CNTN4: variants seen among roughly 807,000 people sequenced by gnomAD.
CNTN4 encodes contactin 4.
Under a neutral mutation model 122.5 loss-of-function variants are expected in CNTN4, and 77 were observed. The ratio of observed to expected loss-of-function variants is 0.63; its 90% CI spans 0.52 to 0.76. The LOEUF (loss-of-function observed/expected upper bound fraction) is 0.76. Ranked by LOEUF, CNTN4 falls within the 30% of genes least tolerant of loss-of-function variation. CNTN4 has a pLI of 0.00. For missense variants in CNTN4, 1,256 were observed against 1,259.1 expected (o/e 1.00, Z 0.04); for synonymous variants, 512 against 447.0 (o/e 1.15, Z -1.83).
intron 3 of CNTN4, among the ~76,000 whole-genome samples, chr3:2,431,466 G>C (rs963384431): frequency 1.3e-5 from 2 of 152,130 alleles, no homozygotes; most frequent in Non-Finnish European, 2.9e-5. Context: ...AGGTGCTTTT[G>C]ATACAAACAT....
At chr3:2,584,697 C>CAAAAAAAAAAAAAAAAAAAA (rs67755648) in intron 4 of CNTN4, among the ~76,000 whole-genome samples, 1 of 73,160 alleles carries the variant, frequency 1.4e-5, no homozygotes, top group African/African-American at 5.8e-5. Context: ...AACTCCGTCT[C>CAAAAAAAAAAAAAAAAAAAA]AAAAAAAAAA....
intron 3 of CNTN4, among the ~76,000 whole-genome samples, chr3:2,532,068 G>A (rs1423089290): frequency 6.6e-6 from 1 of 152,122 alleles, no homozygotes; most frequent in Non-Finnish European, 1.5e-5. Context: ...ACTCACACTG[G>A]ACTTTTCATG....
intron 2 of CNTN4, among the ~76,000 whole-genome samples, chr3:2,299,040 C>G (rs1207593670): frequency 6.6e-6 from 1 of 151,834 alleles, no homozygotes; most frequent in Admixed American, 6.6e-5. Context: ...AGCTTCTGAC[C>G]TCAGTATTGT....
Position 2,869,317 on chromosome 3 carries a change from T to C in CNTN4, c.652+2368T>C, listed in dbSNP as rs554680086. On this transcript the variant is annotated intron_variant, in intron 8 of 24. Transcript: ENST00000418658. ...TGCAATTAATTCAGTTGGGAAATGA[T>C]GGGGGGTGAAACTAGGGGGTAACAG... Among the ~76,000 whole-genome samples, 10 of 151,792 alleles carry C rather than the reference T, an allele frequency of 6.6e-5. No individual in the cohort carries two copies. The East Asian group carries it at 2.0e-3, about 30-fold the overall frequency.
chr3:2,573,293 T>G (rs534919532), intron 4 of CNTN4, among the ~76,000 whole-genome samples: 4 of 152,326 alleles, frequency 2.6e-5, no homozygotes, highest in African/African-American at 9.6e-5. Context: ...TCAAACTTCT[T>G]GCCTTAGTTG....
At chr3:2,729,356 AG>A (rs1559437872) in intron 4 of CNTN4, among the ~76,000 whole-genome samples, 1 of 150,564 alleles carries the variant, frequency 6.6e-6, no homozygotes, top group East Asian at 2.0e-4. Flanking sequence ...CGAGGTCAGG[AG>A]ATTGAGACCA....
At chr3:2,468,354 A>C (rs2151483284) in intron 3 of CNTN4, among the ~76,000 whole-genome samples, 1 of 152,246 alleles carries the variant, frequency 6.6e-6, no homozygotes, top group South Asian at 2.1e-4. Flanking sequence ...TTTCTAGGGC[A>C]GTGGGCATAT....
chr3:2,253,710 C>T lies in CNTN4; in HGVS notation c.-144-85468C>T, dbSNP rs1158248396. On this transcript the variant is annotated intron_variant, in intron 2 of 24. Coordinates refer to ENST00000418658, the MANE Select transcript of CNTN4 (RefSeq NM_175607.3). ...AGGCTGGAGGGCAGTGGTGCCATCT[C>T]GGCTCACTGCAGCCTTAACCTCCTG... Among the ~76,000 whole-genome samples, 6 of 151,718 alleles carry T rather than the reference C, an allele frequency of 4.0e-5. 1 individual carries two copies. The highest frequency in any genetic ancestry group is 6.8e-3 in the Middle Eastern group (2 of 292).
At chr3:2,510,374 GGT>G (rs2076849491) in intron 3 of CNTN4, among the ~76,000 whole-genome samples, 11 of 83,142 alleles carry the variant, frequency 1.3e-4, no homozygotes, top group South Asian at 3.7e-4. Context: ...GTTTGTTTGG[GGT>G]TTTTTTTTGT....
At position 2,798,366 on chromosome 3, in the gene CNTN4, A is replaced by ATCTGTCTACCTATCT. The variant is rs57013365; in HGVS notation, c.359-21120_359-21119insTCTGTCTACCTATCT. On this transcript the variant is annotated intron_variant, in intron 6 of 24. Coordinates refer to ENST00000418658, the MANE Select transcript of CNTN4 (RefSeq NM_175607.3). Reference sequence around the variant, plus strand: ...TACATACTATATCTATACACACATAAATCTATCTATCTATCTATCTATCTA... The same window carrying ATCTGTCTACCTATCT: ...TACATACTATATCTATACACACATAATCTGTCTACCTATCTATCTATCTATCTATCTATCTATCTA... Among the ~76,000 whole-genome samples, 141 of 135,460 alleles carry ATCTGTCTACCTATCT rather than the reference A, an allele frequency of 1.0e-3. 1 individual carries two copies. The highest frequency in any genetic ancestry group is 3.5e-3 in the East Asian group (17 of 4,862). The allele number at this position is 135,460 out of a possible 152,430, so 88.9% of individuals were successfully genotyped here.
chr3:2,386,630 T>C (rs2046267019), intron 3 of CNTN4, among the ~76,000 whole-genome samples: 1 of 104,416 alleles, frequency 9.6e-6, no homozygotes, highest in Non-Finnish European at 2.5e-5. Flanking sequence ...TTCTAAGGAG[T>C]ACATGAAAAT....
chr3:2,188,997 G>T lies in CNTN4; in HGVS notation c.-145+88358G>T, dbSNP rs182307968. Among the ~76,000 whole-genome samples, 204 of 152,254 alleles carry T rather than the reference G, an allele frequency of 1.3e-3. 2 individuals are homozygous for T. The highest frequency in any genetic ancestry group is 0.01 in the Middle Eastern group (3 of 294). On this transcript the variant is annotated intron_variant, in intron 2 of 24. Coordinates refer to ENST00000418658, the MANE Select transcript of CNTN4 (RefSeq NM_175607.3). ...GCAGCTGCTCTGGTTGCCCTTCAGT[G>T]CTCTAGAGGGACTGAGGATTTTGCC...
At chr3:2,261,500 G>C (rs1296911058) in intron 2 of CNTN4, among the ~76,000 whole-genome samples, 1 of 152,122 alleles carries the variant, frequency 6.6e-6, no homozygotes, top group African/African-American at 2.4e-5. Flanking sequence ...CTTTGAGAAA[G>C]CTGTCCAGAA....
In CNTN4 at chr3:3,057,416, A is replaced by T. The variant is rs1701873691; in HGVS notation, c.*1196A>T. 1 of 152,664 alleles carries T rather than the reference A, an allele frequency of 6.6e-6. No individual in the cohort carries two copies. The highest frequency in any genetic ancestry group is 2.1e-4 in the South Asian group (1 of 4,830). 9.5% of individuals were successfully genotyped at this position (152,664 alleles called of 1,614,324 possible). A position where few individuals can be genotyped will look rare whatever the true frequency, so the allele number is the denominator to read the frequency against. The stretch of plus-strand genomic sequence containing the variant: ...TATATGCTTTACCTTCTAGGTCTTA[A>T]AATCACACATTGGAAAATGACAATA... On this transcript the variant is annotated 3_prime_UTR_variant, in exon 25 of 25. Transcript: ENST00000418658.
intron 3 of CNTN4, among the ~76,000 whole-genome samples, chr3:2,508,932 G>A (rs1271263478): frequency 6.6e-6 from 1 of 152,154 alleles, no homozygotes; most frequent in African/African-American, 2.4e-5. Flanking sequence ...TCTCTAGGGA[G>A]AAATGTATGA....
intron 3 of CNTN4, among the ~76,000 whole-genome samples, chr3:2,462,404 A>T (rs2049260042): frequency 6.6e-6 from 1 of 152,202 alleles, no homozygotes; most frequent in African/African-American, 2.4e-5. Context: ...AGGATGAAAG[A>T]ATGGGAACTC....
rs78138193 is a variant in CNTN4 at position 2,830,951 on chromosome 3, A to G, written c.454+11370A>G. On this transcript the variant is annotated intron_variant, in intron 7 of 24. Transcript: ENST00000418658. ...GGAAATAGACTCTGGTTAGGAGCTC[A>G]GAAATCGAAGGCTCAGAAATGGATA... Among the ~76,000 whole-genome samples the G allele has an allele frequency of 4.5e-3, 692 of 152,346 alleles. 6 individuals carry two copies. The highest frequency in any genetic ancestry group is 0.016 in the African/African-American group (660 of 41,588).
chr3:2,698,895 C>G (rs1401043913), intron 4 of CNTN4, among the ~76,000 whole-genome samples: 6 of 152,060 alleles, frequency 3.9e-5, no homozygotes, highest in Admixed American at 3.3e-4. Context: ...TGGTGGCAGG[C>G]TCCTGTAATC....
chr3:2,279,253 C>T (rs1153487), intron 2 of CNTN4, among the ~76,000 whole-genome samples: 9,366 of 152,178 alleles, frequency 0.062, 313 homozygotes, highest in African/African-American at 0.067. Flanking sequence ...TGGAATCACA[C>T]GTGTAACTTT....
Sources: allele counts gnomAD v4.1 joint callset (sites outside exome capture counted in the v4.1 genomes callset), GRCh38; gene constraint gnomAD v4.1.1; transcripts MANE v1.5; gene names NCBI Gene and HGNC (gene_info 2026-07-23, HGNC 2026-07-21).